Variants in LRRTM4 observed in about 807,000 individuals in gnomAD.
LRRTM4 encodes the protein leucine rich repeat transmembrane neuronal 4.
Under a neutral mutation model 47.6 loss-of-function variants are expected in LRRTM4, and 25 were observed. That is an observed-to-expected ratio of 0.53 (90% CI 0.38 to 0.73). The LOEUF is 0.73. LRRTM4 is among the 30% of genes least tolerant of loss of function. The pLI, the probability that LRRTM4 is intolerant of heterozygous loss-of-function variation, is 0.00. For missense variants in LRRTM4, 638 were observed against 713.4 expected (o/e 0.89, Z 1.20); for synonymous variants, 311 against 269.5 (o/e 1.15, Z -1.51).
chr2:77,299,352 T>TGTATATATGTGTGTATATATATAC (rs1226595117), intron 3 of LRRTM4, among the ~76,000 whole-genome samples: 62 of 151,240 alleles, frequency 4.1e-4, no homozygotes, highest in African/African-American at 9.2e-4. Context: ...CGTATATATA[T>TGTATATATGTGTGTATATATATAC]GTATATATGT....
chr2:77,004,842 A>T (rs759229927), intron 3 of LRRTM4, among the ~76,000 whole-genome samples: 9 of 152,122 alleles, frequency 5.9e-5, no homozygotes, highest in Non-Finnish European at 1.3e-4. Flanking sequence ...CATGACCTAG[A>T]TGTGAAACAT....
At chr2:77,368,426 C>T (rs2103762699) in intron 3 of LRRTM4, among the ~76,000 whole-genome samples, 1 of 151,730 alleles carries the variant, frequency 6.6e-6, no homozygotes, top group African/African-American at 2.4e-5. Context: ...CTCCTGAATC[C>T]TCAAACATAA....
chr2:77,099,713 T>C (rs1190133085), intron 3 of LRRTM4, among the ~76,000 whole-genome samples: 1 of 151,964 alleles, frequency 6.6e-6, no homozygotes, highest in East Asian at 1.9e-4. Flanking sequence ...TGTGTGAATG[T>C]CTGTTTATGT....
chr2:76,787,859 T>A (rs1400844), intron 3 of LRRTM4, among the ~76,000 whole-genome samples: 2 of 151,966 alleles, frequency 1.3e-5, no homozygotes, highest in African/African-American at 4.8e-5. Context: ...TTAGGCAAAT[T>A]TGTGCTCCTT....
intron 3 of LRRTM4, among the ~76,000 whole-genome samples, chr2:77,245,416 A>ACAAAT (rs1297020435): frequency 1.3e-5 from 2 of 151,568 alleles, no homozygotes; most frequent in Non-Finnish European, 2.9e-5. Flanking sequence ...ACAAAACAAA[A>ACAAAT]ATGAGACAGG....
chr2:76,883,357 A>G (rs1014225681), intron 3 of LRRTM4, among the ~76,000 whole-genome samples: 4 of 152,134 alleles, frequency 2.6e-5, no homozygotes, highest in African/African-American at 7.2e-5. Context: ...TAAATGCCCA[A>G]TTAATGTTTA....
intron 3 of LRRTM4, among the ~76,000 whole-genome samples, chr2:76,797,008 T>TGGGG (rs1278261900): frequency 6.6e-6 from 1 of 152,036 alleles, no homozygotes; most frequent in Non-Finnish European, 1.5e-5. Flanking sequence ...CTGAAAGTGA[T>TGGGG]GGGGAGAATG....
chr2:77,138,644 G>C (rs1222903748), intron 3 of LRRTM4, among the ~76,000 whole-genome samples: 1 of 152,116 alleles, frequency 6.6e-6, no homozygotes, highest in Non-Finnish European at 1.5e-5. Flanking sequence ...GAAGGAGATA[G>C]AGATATAAAA....
intron 3 of LRRTM4, among the ~76,000 whole-genome samples, chr2:76,939,951 G>A (rs1675079049): frequency 6.6e-6 from 1 of 151,812 alleles, no homozygotes; most frequent in Non-Finnish European, 1.5e-5. Flanking sequence ...TCCAAGAAGG[G>A]GTTGGTTCAA....
intron 3 of LRRTM4, among the ~76,000 whole-genome samples, chr2:76,961,330 C>T (rs17013455): frequency 0.33 from 49,879 of 150,678 alleles, 9,058 homozygotes; most frequent in East Asian, 0.71. Context: ...CCAACTGTTA[C>T]AATAAGGCTT....
At position 77,224,314 on chromosome 2, in the gene LRRTM4, T is replaced by A. The variant is rs551491378; in HGVS notation, c.1551+294004A>T. On this transcript the variant is annotated intron_variant, in intron 3 of 3. Transcript: ENST00000409884. ...CATAGGCATGGGCAAGGACTTCATG[T>A]CTAAAACACCAGAAGCAATGGCAAC... Among the ~76,000 whole-genome samples, 731 of 152,156 alleles carry A rather than the reference T, an allele frequency of 4.8e-3. 6 individuals carry two copies. Among genetic ancestry groups the A allele is most frequent in the African/African-American group, 0.017 (704 of 41,500 alleles).
chr2:77,239,269 A>C (rs1386176436), intron 3 of LRRTM4, among the ~76,000 whole-genome samples: 1 of 152,020 alleles, frequency 6.6e-6, no homozygotes, highest in Non-Finnish European at 1.5e-5. Flanking sequence ...TATTATTTGC[A>C]ATATAAACTG....
chr2:77,297,509 C>T (rs2104150758), intron 3 of LRRTM4, among the ~76,000 whole-genome samples: 1 of 152,246 alleles, frequency 6.6e-6, no homozygotes, highest in African/African-American at 2.4e-5. Context: ...GAAGTTTGAT[C>T]TTCAGGCATC....
intron 3 of LRRTM4, among the ~76,000 whole-genome samples, chr2:77,022,942 G>A (rs1156693617): frequency 6.6e-6 from 1 of 152,218 alleles, no homozygotes; most frequent in East Asian, 1.9e-4. Flanking sequence ...CTCTGTGTGA[G>A]GGCTCCAACC....
chr2:76,972,082 T>G (rs953376507), intron 3 of LRRTM4, among the ~76,000 whole-genome samples: 1 of 152,024 alleles, frequency 6.6e-6, no homozygotes, highest in Non-Finnish European at 1.5e-5. Flanking sequence ...AGCATTTTTC[T>G]AGAAGTCAGT....
In LRRTM4 at chr2:76,960,530, C is replaced by T. The variant is rs535368527; in HGVS notation, c.1552-211614G>A. Reference sequence around the variant, plus strand: ...ATTTGAAAAAACAGAAACTGTGAGACCTTATTATCCAGCTGCATGTGGTAT... The same window carrying T: ...ATTTGAAAAAACAGAAACTGTGAGATCTTATTATCCAGCTGCATGTGGTAT... On this transcript the variant is annotated intron_variant, in intron 3 of 3. Transcript: ENST00000409884. Among the ~76,000 whole-genome samples, 258 of 151,458 alleles carry T rather than the reference C, an allele frequency of 1.7e-3. 1 individual carries two copies. Among genetic ancestry groups the T allele is most frequent in the African/African-American group, 5.4e-3 (223 of 41,432 alleles).
chr2:77,473,391 A>G (rs1349441808), intron 3 of LRRTM4, among the ~76,000 whole-genome samples: 3 of 152,176 alleles, frequency 2.0e-5, no homozygotes, highest in Non-Finnish European at 1.5e-5. Context: ...AAAGACATAC[A>G]CACAAATTAA....
chr2:77,093,773 C>T (rs570889508), intron 3 of LRRTM4, among the ~76,000 whole-genome samples: 89 of 151,990 alleles, frequency 5.9e-4, no homozygotes, highest in Non-Finnish European at 1.2e-3. Flanking sequence ...GTGAATATGC[C>T]CTGCCCCGCC....
intron 3 of LRRTM4, among the ~76,000 whole-genome samples, chr2:76,994,774 A>T (rs1677140260): frequency 6.6e-6 from 1 of 152,020 alleles, no homozygotes; most frequent in East Asian, 1.9e-4. Context: ...AATCCAGCAA[A>T]TAATTACATA....
Sources: gnomAD v4.1 joint callset for allele counts (sites outside exome capture counted in the v4.1 genomes callset) on GRCh38, gnomAD v4.1.1 for gene constraint, MANE v1.5 for transcripts, NCBI Gene and HGNC (gene_info 2026-07-23, HGNC 2026-07-21) for gene names.